The following ADAMTS12 variants were observed in gnomAD, a reference collection of about 807,000 sequenced individuals.
The protein encoded by ADAMTS12 is A disintegrin and metalloproteinase with thrombospondin motifs 12.
In ADAMTS12, 118 loss-of-function variants were observed where a neutral mutation model predicts 167.8. That is an observed-to-expected ratio of 0.70 (90% confidence interval 0.61 to 0.82). ADAMTS12 has a LOEUF of 0.82. ADAMTS12 is among the 40% of genes least tolerant of loss of function. ADAMTS12 has a pLI of 0.00. For synonymous variants in ADAMTS12, 704 were observed against 716.9 expected (o/e 0.98, Z 0.29); for missense variants, 1,916 against 1,998.8 (o/e 0.96, Z 0.79).
intron 13 of ADAMTS12, 81 bp from the exon 14 acceptor site, chr5:33,624,432 T>G (rs896301579): frequency 2.5e-6 from 4 of 1,583,918 alleles, no homozygotes; most frequent in Non-Finnish European, 3.4e-6. Flanking sequence ...TTCTTTCCCC[T>G]TTGGTGCTTC....
chr5:33,582,073 G>A (rs776402210), intron 18 of ADAMTS12, among the ~76,000 whole-genome samples: 1 of 152,158 alleles, frequency 6.6e-6, no homozygotes, highest in Non-Finnish European at 1.5e-5. Flanking sequence ...ACAAATTCCT[G>A]TTGTTTAATC....
chr5:33,555,835 C>T (rs993412509), intron 20 of ADAMTS12, among the ~76,000 whole-genome samples: 4 of 152,134 alleles, frequency 2.6e-5, no homozygotes, highest in Non-Finnish European at 5.9e-5. Context: ...ATGTCAGACA[C>T]GTGGCAGTAC....
intron 20 of ADAMTS12, among the ~76,000 whole-genome samples, chr5:33,554,067 T>C (rs1457122108): frequency 3.3e-5 from 5 of 152,182 alleles, no homozygotes; most frequent in African/African-American, 1.2e-4. Context: ...TTATATGCCA[T>C]AGTTGTCTAC....
chr5:33,690,138 G>A (rs1177629417), intron 3 of ADAMTS12, among the ~76,000 whole-genome samples: 2 of 152,210 alleles, frequency 1.3e-5, no homozygotes, highest in Non-Finnish European at 2.9e-5. Flanking sequence ...CACCAGTGCA[G>A]GTGTGTGCAT....
intron 2 of ADAMTS12, among the ~76,000 whole-genome samples, chr5:33,837,695 G>A (rs575846556): frequency 6.6e-6 from 1 of 152,294 alleles, no homozygotes; most frequent in South Asian, 2.1e-4. Context: ...AGCTTAAGAC[G>A]ATATGTGGAA....
intron 20 of ADAMTS12, among the ~76,000 whole-genome samples, chr5:33,551,957 TGTAAAGCCTGCGAACCA>T (rs1173309874): frequency 2.0e-5 from 3 of 152,216 alleles, no homozygotes; most frequent in Admixed American, 2.0e-4. Flanking sequence ...GTTTTCCTAA[TGTAAAGCCTGCGAACCA>T]GACTGACGAC....
intron 16 of ADAMTS12, among the ~76,000 whole-genome samples, chr5:33,600,232 G>T (rs1442686000): frequency 6.6e-6 from 1 of 152,176 alleles, no homozygotes; most frequent in Non-Finnish European, 1.5e-5. Flanking sequence ...CCAGAATGTT[G>T]CCATGCAGCA....
intron 3 of ADAMTS12, among the ~76,000 whole-genome samples, chr5:33,704,623 C>A (rs149197510): frequency 1.3e-3 from 196 of 152,252 alleles, no homozygotes; most frequent in African/African-American, 4.6e-3. Flanking sequence ...TTTTCATATA[C>A]CTGATGGCCA....
At chr5:33,789,695 G>GT in intron 2 of ADAMTS12, among the ~76,000 whole-genome samples, 1 of 152,120 alleles carries the variant, frequency 6.6e-6, no homozygotes, top group Non-Finnish European at 1.5e-5. Context: ...ACAGTCCTTG[G>GT]CACTTCAGAG....
At chr5:33,782,265 A>G (rs976549603) in intron 2 of ADAMTS12, among the ~76,000 whole-genome samples, 2 of 152,120 alleles carry the variant, frequency 1.3e-5, no homozygotes, top group Admixed American at 6.6e-5. Flanking sequence ...GTTATTATAT[A>G]CTACCGAACA....
intron 19 of ADAMTS12, among the ~76,000 whole-genome samples, chr5:33,574,994 A>G (rs1164962454): frequency 6.6e-6 from 1 of 152,196 alleles, no homozygotes; most frequent in Admixed American, 6.5e-5. Context: ...CAGATTTCAA[A>G]TAGGTGAGAA....
At chr5:33,528,425 A>C (rs1368573019) in intron 23 of ADAMTS12, among the ~76,000 whole-genome samples, 3 of 152,212 alleles carry the variant, frequency 2.0e-5, no homozygotes, top group Non-Finnish European at 4.4e-5. Flanking sequence ...AACTATTGAA[A>C]TTGTAAAAAA....
chr5:33,662,223 TC>T (rs987434226), intron 5 of ADAMTS12, among the ~76,000 whole-genome samples, 183 bp from the exon 6 acceptor site: 1 of 152,096 alleles, frequency 6.6e-6, no homozygotes, highest in Non-Finnish European at 1.5e-5. Flanking sequence ...GGTTAAACAC[TC>T]CCATTCTAAT....
chr5:33,577,722 C>G (rs952010875), intron 18 of ADAMTS12, among the ~76,000 whole-genome samples: 1 of 150,938 alleles, frequency 6.6e-6, no homozygotes, highest in Non-Finnish European at 1.5e-5. Context: ...CATACTCACA[C>G]AGGTGCATAG....
chr5:33,652,008 T>C (rs1259141159), intron 7 of ADAMTS12, among the ~76,000 whole-genome samples: 2 of 152,140 alleles, frequency 1.3e-5, no homozygotes, highest in Non-Finnish European at 2.9e-5. Flanking sequence ...CCGTGGTCTA[T>C]ATATACCACA....
intron 2 of ADAMTS12, among the ~76,000 whole-genome samples, chr5:33,766,884 A>G (rs1007223839): frequency 6.6e-6 from 1 of 152,188 alleles, no homozygotes; most frequent in Non-Finnish European, 1.5e-5. Context: ...TTTCAGAACA[A>G]TATTCATTAA....
intron 7 of ADAMTS12, among the ~76,000 whole-genome samples, chr5:33,652,412 G>A (rs1740897038): frequency 6.6e-6 from 1 of 151,824 alleles, no homozygotes; most frequent in African/African-American, 2.4e-5. Context: ...ATGTTTATTG[G>A]CCACTTTTGT....
chr5:33,846,100 T>A (rs1227022004), intron 2 of ADAMTS12, among the ~76,000 whole-genome samples: 1 of 152,116 alleles, frequency 6.6e-6, no homozygotes, highest in Non-Finnish European at 1.5e-5. Flanking sequence ...ATGTGCACAA[T>A]CTGAATCAAA....
At chr5:33,681,139 C>T (rs1297993861) in intron 5 of ADAMTS12, among the ~76,000 whole-genome samples, 6 of 152,142 alleles carry the variant, frequency 3.9e-5, no homozygotes, top group Non-Finnish European at 8.8e-5. Context: ...AAAAAGACCA[C>T]ATGAAGGGAA....
Sources: allele counts gnomAD v4.1 joint callset (sites outside exome capture counted in the v4.1 genomes callset), GRCh38; gene constraint gnomAD v4.1.1; transcripts MANE v1.5; gene names NCBI Gene and HGNC (gene_info 2026-07-23, HGNC 2026-07-21).